Variants in ENTREP2 observed in about 807,000 individuals in gnomAD.
The protein encoded by ENTREP2 is protein ENTREP2.
the ENTREP2 span, among the ~76,000 whole-genome samples, chr15:29,315,654 G>C: frequency 4.6e-5 from 7 of 152,242 alleles, no homozygotes; most frequent in African/African-American, 1.7e-4. Context: ...TAACCGGAAA[G>C]TTGAGAAATA....
chr15:29,465,980 G>A, the ENTREP2 span, among the ~76,000 whole-genome samples: 3 of 152,182 alleles, frequency 2.0e-5, no homozygotes, highest in Non-Finnish European at 4.4e-5. Context: ...GCCAAATACT[G>A]ATGAACTGCC....
At chr15:29,282,450 T>A in the ENTREP2 span, among the ~76,000 whole-genome samples, 2 of 152,194 alleles carry the variant, frequency 1.3e-5, no homozygotes, top group African/African-American at 4.8e-5. Flanking sequence ...AAAAACAGAC[T>A]AATACATCAT....
chr15:29,322,884 A>G, the ENTREP2 span, among the ~76,000 whole-genome samples: 1 of 152,146 alleles, frequency 6.6e-6, no homozygotes, highest in Non-Finnish European at 1.5e-5. Context: ...TTTTTCCCGG[A>G]TGCATCCTTA....
At chr15:29,520,426 C>T in the ENTREP2 span, among the ~76,000 whole-genome samples, 1 of 152,066 alleles carries the variant, frequency 6.6e-6, no homozygotes, top group South Asian at 2.1e-4. Context: ...GATATGTGAC[C>T]TATGAATTCA....
chr15:29,134,574 C>T, the ENTREP2 span, among the ~76,000 whole-genome samples: 44 of 152,330 alleles, frequency 2.9e-4, no homozygotes, highest in Middle Eastern at 3.4e-3. Context: ...CACCTTACAG[C>T]GTCTGAATGC....
At chr15:29,470,785 A>C in the ENTREP2 span, among the ~76,000 whole-genome samples, 1 of 152,226 alleles carries the variant, frequency 6.6e-6, no homozygotes, top group Admixed American at 6.5e-5. Context: ...CCTGACAGTG[A>C]GCAGTTCCTC....
the ENTREP2 span, among the ~76,000 whole-genome samples, chr15:29,504,469 T>C: frequency 6.6e-6 from 1 of 152,076 alleles, no homozygotes; most frequent in Non-Finnish European, 1.5e-5. Context: ...AGAAATGAAG[T>C]AAAAGAGAAA....
the ENTREP2 span, among the ~76,000 whole-genome samples, chr15:29,141,078 T>C: frequency 6.6e-6 from 1 of 152,114 alleles, no homozygotes; most frequent in Non-Finnish European, 1.5e-5. Flanking sequence ...CTCAGGTGGG[T>C]GCACGTGGAA....
chr15:29,400,538 T>C, the ENTREP2 span, among the ~76,000 whole-genome samples: 1 of 152,212 alleles, frequency 6.6e-6, no homozygotes, highest in Admixed American at 6.5e-5. Context: ...CTAGGGCAAC[T>C]GGCTAGCCAC....
the ENTREP2 span, among the ~76,000 whole-genome samples, chr15:29,604,225 T>C: frequency 1.3e-5 from 2 of 152,182 alleles, no homozygotes; most frequent in African/African-American, 4.8e-5. Flanking sequence ...GCAATGCAAA[T>C]TAAAGTGGCA....
the ENTREP2 span, among the ~76,000 whole-genome samples, chr15:29,264,484 T>C: frequency 3.9e-5 from 6 of 152,108 alleles, no homozygotes; most frequent in African/African-American, 9.7e-5. Flanking sequence ...ACAGGACAAA[T>C]TGAAATTTTG....
At chr15:29,406,635 T>C in the ENTREP2 span, among the ~76,000 whole-genome samples, 11 of 152,212 alleles carry the variant, frequency 7.2e-5, no homozygotes, top group African/African-American at 2.7e-4. Flanking sequence ...CTAGTCATTC[T>C]TACACAATCT....
At chr15:29,441,470 T>C in the ENTREP2 span, among the ~76,000 whole-genome samples, 48,120 of 152,050 alleles carry the variant, frequency 0.32, 8,393 homozygotes, top group East Asian at 0.54. Context: ...TCCATGGCAT[T>C]TGACACTGCT....
chr15:29,451,100 A>C, the ENTREP2 span, among the ~76,000 whole-genome samples: 1 of 152,180 alleles, frequency 6.6e-6, no homozygotes, highest in Non-Finnish European at 1.5e-5. Flanking sequence ...ACCTAAAATA[A>C]AGGTTAAAAA....
the ENTREP2 span, among the ~76,000 whole-genome samples, chr15:29,619,740 C>T: frequency 5.9e-5 from 9 of 152,210 alleles, no homozygotes; most frequent in South Asian, 2.1e-4. Context: ...GTAGAGGCTA[C>T]GGATTTCCTG....
the ENTREP2 span, among the ~76,000 whole-genome samples, chr15:29,365,618 C>T: frequency 0.09 from 13,658 of 151,790 alleles, 893 homozygotes; most frequent in African/African-American, 0.17. Context: ...CAAGGTTGCG[C>T]TTTTTTTACC....
the ENTREP2 span, among the ~76,000 whole-genome samples, chr15:29,427,184 T>A: frequency 6.6e-6 from 1 of 152,246 alleles, no homozygotes; most frequent in East Asian, 1.9e-4. Flanking sequence ...TTGCTGTTGT[T>A]ATTTTTCCAT....
At chr15:29,239,048 C>A in the ENTREP2 span, among the ~76,000 whole-genome samples, 1 of 151,998 alleles carries the variant, frequency 6.6e-6, no homozygotes, top group Non-Finnish European at 1.5e-5. Context: ...TGAAAAAAAT[C>A]TAATATTTTA....
At chr15:29,366,974 T>C in the ENTREP2 span, among the ~76,000 whole-genome samples, 20 of 152,186 alleles carry the variant, frequency 1.3e-4, no homozygotes, top group Admixed American at 1.3e-3. Context: ...TTAAAGATAT[T>C]TGGAGAGAGA....
Sources: gnomAD v4.1 joint callset for allele counts (sites outside exome capture counted in the v4.1 genomes callset) on GRCh38, gnomAD v4.1.1 for gene constraint, MANE v1.5 for transcripts, NCBI Gene and HGNC (gene_info 2026-07-23, HGNC 2026-07-21) for gene names.